CDIN1: variants seen among roughly 807,000 people sequenced by gnomAD.
CDIN1 encodes the protein CDAN1 interacting nuclease 1, also known as CDAN1-interacting nuclease 1.
A neutral mutation model predicts 45.3 loss-of-function variants in CDIN1; 33 were observed. The observed-to-expected ratio is 0.73, with a 90% CI of 0.55 to 0.97. CDIN1 has a LOEUF of 0.97. Among genes scored for constraint, CDIN1 ranks in the 50% least tolerant of loss-of-function variants. CDIN1 has a pLI of 0.00. For missense variants in CDIN1, 303 were observed against 339.4 expected, an observed-to-expected ratio of 0.89 and a Z score of 0.84; for synonymous variants, 118 against 124.4, an observed-to-expected ratio of 0.95 and a Z score of 0.34.
chr15:36,620,845 T>A (rs1028095200), intron 1 of CDIN1, among the ~76,000 whole-genome samples: 24 of 152,140 alleles, frequency 1.6e-4, no homozygotes, highest in Admixed American at 6.5e-5. Flanking sequence ...TTTATCACCT[T>A]CCTTTCCTCC....
intron 5 of CDIN1, among the ~76,000 whole-genome samples, chr15:36,685,993 T>A (rs1396393407): frequency 2.6e-5 from 4 of 151,492 alleles, no homozygotes; most frequent in Middle Eastern, 3.2e-3. Flanking sequence ...ATTGTGGAAG[T>A]CAGTGTGGCG....
At chr15:36,645,094 A>G (rs1156791815) in intron 2 of CDIN1, 129 bp from the exon 3 acceptor site, 8 of 703,746 alleles carry the variant, frequency 1.1e-5, no homozygotes, top group African/African-American at 3.6e-5. Context: ...CATCACCACA[A>G]TTCCCAAGCT....
chr15:36,741,067 G>A (rs987717121), intron 10 of CDIN1, among the ~76,000 whole-genome samples: 1 of 152,148 alleles, frequency 6.6e-6, no homozygotes, highest in Admixed American at 6.5e-5. Flanking sequence ...ATCCCAAGTA[G>A]CTGAGAATAT....
At chr15:36,644,494 CATCT>C (rs1186004463) in intron 2 of CDIN1, among the ~76,000 whole-genome samples, 171 bp downstream of exon 2, 1 of 152,072 alleles carries the variant, frequency 6.6e-6, no homozygotes, top group Admixed American at 6.6e-5. Flanking sequence ...CCTACCCATC[CATCT>C]GTCTAATAAC....
intron 10 of CDIN1, among the ~76,000 whole-genome samples, chr15:36,740,999 C>T (rs1365363480): frequency 6.6e-6 from 1 of 152,046 alleles, no homozygotes; most frequent in African/African-American, 2.4e-5. Flanking sequence ...TGCAGTGGCA[C>T]GATCATGGCT....
intron 10 of CDIN1, among the ~76,000 whole-genome samples, chr15:36,797,024 A>G (rs1409652512): frequency 6.6e-6 from 1 of 152,226 alleles, no homozygotes; most frequent in Non-Finnish European, 1.5e-5. Context: ...ATTTTCTTAA[A>G]GGAGCACTAT....
At chr15:36,584,584 A>G (rs1210079890) in intron 1 of CDIN1, among the ~76,000 whole-genome samples, 1 of 152,114 alleles carries the variant, frequency 6.6e-6, no homozygotes, top group Non-Finnish European at 1.5e-5. Context: ...TCATTTATTC[A>G]CTTATTCATT....
chr15:36,661,276 G>C (rs1406167878), intron 5 of CDIN1, among the ~76,000 whole-genome samples: 2 of 152,142 alleles, frequency 1.3e-5, no homozygotes, highest in Non-Finnish European at 2.9e-5. Context: ...GGTAAAAGCA[G>C]GAGATAAAGA....
At chr15:36,774,034 C>T (rs1303464115) in intron 10 of CDIN1, among the ~76,000 whole-genome samples, 1 of 152,160 alleles carries the variant, frequency 6.6e-6, no homozygotes, top group Admixed American at 6.5e-5. Context: ...CAGATGGCTA[C>T]TGTGCAGTAC....
chr15:36,608,434 T>C (rs142708670), intron 1 of CDIN1, among the ~76,000 whole-genome samples: 92 of 152,332 alleles, frequency 6.0e-4, no homozygotes, highest in African/African-American at 2.2e-3. Context: ...ATGTTGGGAA[T>C]CTTTTTATGT....
At position 36,628,052 on chromosome 15, in the gene CDIN1, T is replaced by C. The variant is rs557638737; in HGVS notation, c.102-16226T>C. On this transcript the variant is annotated intron_variant, in intron 1 of 10. Transcript: ENST00000566621. ...TTTTTCCCAATTTTAATTAAATTTA[T>C]TTTTGACTTACATACAGTTAAATTC... Among the ~76,000 whole-genome samples, 608 of 152,268 alleles carry C rather than the reference T, an allele frequency of 4.0e-3. 2 individuals carry two copies. The highest frequency in any genetic ancestry group is 4.9e-3 in the Non-Finnish European group (336 of 68,026).
Position 36,788,090 on chromosome 15 carries a change from ATATATATATATATATATTTTTTT to A in CDIN1, c.717-20232_717-20210del, listed in dbSNP as rs1700464676. ...TAATTTTATACATATATATATATAT[ATATATATATATATATATTTTTTT>A]TTTTTTTTTTTTTTTTTTTTGAGAC... On this transcript the variant is annotated intron_variant, in intron 10 of 10. Coordinates refer to ENST00000566621, the MANE Select transcript of CDIN1 (RefSeq NM_001321759.2). Among the ~76,000 whole-genome samples, 3 of 10,078 alleles carry A rather than the reference ATATATATATATATATATTTTTTT, an allele frequency of 3.0e-4. No individual in the cohort carries two copies. The South Asian group carries it at 0.011, about 38-fold the overall frequency. 6.6% of individuals were successfully genotyped at this position (10,078 alleles called of 152,430 possible). A position where few individuals can be genotyped will look rare whatever the true frequency, so the allele number is the denominator to read the frequency against.
At chr15:36,692,433 GT>G (rs1204005624) in intron 7 of CDIN1, among the ~76,000 whole-genome samples, 3 of 152,116 alleles carry the variant, frequency 2.0e-5, no homozygotes, top group Admixed American at 1.3e-4. Context: ...TTTTCAATGA[GT>G]TTACAGGTAC....
At chr15:36,808,231 G>A in intron 10 of CDIN1, 93 bp from the exon 11 acceptor site, 1 of 1,543,034 alleles carries the variant, frequency 6.5e-7, no homozygotes, top group Non-Finnish European at 8.8e-7. Flanking sequence ...GTGCAGTCCT[G>A]TCATTTAATC....
intron 5 of CDIN1, among the ~76,000 whole-genome samples, chr15:36,663,533 C>T (rs1294991971): frequency 6.6e-6 from 1 of 152,156 alleles, no homozygotes; most frequent in Non-Finnish European, 1.5e-5. Flanking sequence ...AGTGAGTTCT[C>T]ACAAGATCTG....
chr15:36,592,594 T>C (rs1256005797), intron 1 of CDIN1, among the ~76,000 whole-genome samples: 3 of 152,208 alleles, frequency 2.0e-5, no homozygotes, highest in Admixed American at 2.0e-4. Context: ...ATTTTTGTCA[T>C]TGTTGGGTTG....
At chr15:36,784,373 G>A (rs1376844123) in intron 10 of CDIN1, among the ~76,000 whole-genome samples, 1 of 152,094 alleles carries the variant, frequency 6.6e-6, no homozygotes, top group Admixed American at 6.6e-5. Flanking sequence ...TTATTCCTAG[G>A]GAGAAAAAGG....
chr15:36,785,371 A>C (rs910422922), intron 10 of CDIN1, among the ~76,000 whole-genome samples: 1 of 152,208 alleles, frequency 6.6e-6, no homozygotes, highest in African/African-American at 2.4e-5. Context: ...GGTAGGCCTC[A>C]CACTTTGGCC....
chr15:36,730,765 A>AT lies in CDIN1; in HGVS notation c.716+20810dup, dbSNP rs562201714. Among the ~76,000 whole-genome samples the AT allele has an allele frequency of 1.2e-3, 182 of 152,214 alleles. 2 individuals carry two copies. The highest frequency in any genetic ancestry group is 4.0e-3 in the African/African-American group (168 of 41,566). On this transcript the variant is annotated intron_variant, in intron 10 of 10. Transcript: ENST00000566621. ...GTTTCAAAACTAAACTTTAGCACTC[A>AT]TTTTTTGAACAATATTTCTTGAGTG...
Sources: allele counts gnomAD v4.1 joint callset (sites outside exome capture counted in the v4.1 genomes callset), GRCh38; gene constraint gnomAD v4.1.1; transcripts MANE v1.5; gene names NCBI Gene and HGNC (gene_info 2026-07-23, HGNC 2026-07-21).